The following SASH1 variants were observed in gnomAD, a reference collection of about 807,000 sequenced individuals.
The protein encoded by SASH1 is SAM and SH3 domain-containing protein 1.
A neutral mutation model predicts 125.2 loss-of-function variants in SASH1; 44 were observed. That is an observed-to-expected ratio of 0.35 (90% CI 0.28 to 0.45). SASH1 has a LOEUF of 0.45. SASH1 is among the 20% of genes least tolerant of loss of function. SASH1 has a pLI of 1.00. For synonymous variants in SASH1, 639 were observed against 649.1 expected, an observed-to-expected ratio of 0.98 and a Z score of 0.24; for missense variants, 1,426 against 1,614.5, an observed-to-expected ratio of 0.88 and a Z score of 2.00.
At chr6:148,515,501 C>T (rs35335150) in intron 9 of SASH1, among the ~76,000 whole-genome samples, 3,743 of 151,880 alleles carry the variant, frequency 0.025, 62 homozygotes, top group Non-Finnish European at 0.039. Flanking sequence ...AGAATAATAC[C>T]GAAGCTAAGT....
chr6:148,446,330 G>A (rs1317754869), intron 4 of SASH1, among the ~76,000 whole-genome samples: 4 of 151,898 alleles, frequency 2.6e-5, no homozygotes, highest in Non-Finnish European at 5.9e-5. Flanking sequence ...GGATGGTCTT[G>A]ATCTCCTGAC....
chr6:148,270,137 A>ATAT (rs1225846916), upstream of SASH1, among the ~76,000 whole-genome samples: 1 of 152,246 alleles, frequency 6.6e-6, no homozygotes, highest in African/African-American at 2.4e-5. Flanking sequence ...TGGACAGACT[A>ATAT]AGACCTTCCT....
At chr6:148,538,072 A>T (rs1781976817) in intron 16 of SASH1, among the ~76,000 whole-genome samples, 1 of 151,934 alleles carries the variant, frequency 6.6e-6, no homozygotes, top group Non-Finnish European at 1.5e-5. Flanking sequence ...GAGGCACCTC[A>T]CCTCTTTTTC....
chr6:148,469,590 G>A (rs1292546527), intron 5 of SASH1, among the ~76,000 whole-genome samples: 2 of 152,042 alleles, frequency 1.3e-5, no homozygotes, highest in East Asian at 1.9e-4. Flanking sequence ...AAAATTAGGT[G>A]GGCATAGCAC....
At chr6:148,256,330 ACTAT>A in the SASH1 span, among the ~76,000 whole-genome samples, 23 of 152,344 alleles carry the variant, frequency 1.5e-4, no homozygotes, top group South Asian at 1.7e-3. Context: ...CTATTTTACA[ACTAT>A]CTAAGACAAC....
chr6:148,208,883 C>T, the SASH1 span, among the ~76,000 whole-genome samples: 1 of 152,118 alleles, frequency 6.6e-6, no homozygotes, highest in East Asian at 1.9e-4. Flanking sequence ...TTCTAAATAG[C>T]AGTAATAAGA....
intron 1 of SASH1, among the ~76,000 whole-genome samples, chr6:148,375,553 A>G (rs1382055988): frequency 6.6e-6 from 1 of 152,228 alleles, no homozygotes; most frequent in East Asian, 1.9e-4. Flanking sequence ...TTTTCTTGGC[A>G]AAAGTAAAAG....
chr6:148,315,116 G>T (rs1780447040), intron 1 of SASH1, among the ~76,000 whole-genome samples: 1 of 152,088 alleles, frequency 6.6e-6, no homozygotes. Context: ...GATTAAATTA[G>T]CTACTATTTA....
chr6:148,535,160 C>A (rs185732372), intron 16 of SASH1, among the ~76,000 whole-genome samples: 1 of 152,194 alleles, frequency 6.6e-6, no homozygotes, highest in Non-Finnish European at 1.5e-5. Flanking sequence ...ATGCCAAGGT[C>A]AAACAGCACA....
the SASH1 span, among the ~76,000 whole-genome samples, chr6:148,207,480 A>T: frequency 6.6e-6 from 1 of 152,238 alleles, no homozygotes; most frequent in African/African-American, 2.4e-5. Context: ...CCTCAGTTCT[A>T]TTATGCCACA....
rs991274312 is a variant in SASH1, at chr6:148,533,842, C to T, written c.1806C>T (p.Val602=). Residue 602 remains valine, a synonymous_variant, in exon 15 of 20, where the codon GTC becomes GTT. Coordinates refer to ENST00000367467, the MANE Select transcript of SASH1 (RefSeq NM_015278.5). The surrounding 1 kb of genome is among the most constrained non-coding windows in gnomAD (Gnocchi z 6.2). ...GTWMGLLNNK[V]GTFKFIYVDV... is the part of the protein sequence containing the mutation. ...GGATGGGCCTGCTGAACAACAAAGTCGGCACGTTCAAGTTCATCTACGTGG... is the reference window on the plus strand; with the variant it reads ...GGATGGGCCTGCTGAACAACAAAGTTGGCACGTTCAAGTTCATCTACGTGG... 64 of 1,613,904 alleles carry T rather than the reference C, an allele frequency of 4.0e-5. No individual in the cohort carries two copies. Among genetic ancestry groups the T allele is most frequent in the Admixed American group, 5.0e-5 (3 of 60,000 alleles).
intron 2 of SASH1, among the ~76,000 whole-genome samples, chr6:148,397,228 C>A (rs1783993034): frequency 6.6e-6 from 1 of 152,066 alleles, no homozygotes; most frequent in Admixed American, 6.6e-5. Context: ...TGTCTGTAAT[C>A]CCAGCACTTT....
At chr6:148,213,987 T>G in the SASH1 span, among the ~76,000 whole-genome samples, 49 of 152,298 alleles carry the variant, frequency 3.2e-4, 1 homozygote, top group Admixed American at 5.9e-4. Context: ...AGTATAAAAC[T>G]AGAAATGATG....
intron 1 of SASH1, among the ~76,000 whole-genome samples, chr6:148,301,813 G>T (rs1779954156): frequency 7.7e-6 from 1 of 130,392 alleles, no homozygotes; most frequent in African/African-American, 2.9e-5. Context: ...ATGTTGCCCA[G>T]GCTGAACTTG....
chr6:148,205,288 C>G, the SASH1 span, among the ~76,000 whole-genome samples: 1 of 152,186 alleles, frequency 6.6e-6, no homozygotes, highest in Admixed American at 6.5e-5. Context: ...TCTGTCGTCC[C>G]AGAACTTGTC....
intron 2 of SASH1, among the ~76,000 whole-genome samples, chr6:148,407,727 A>C (rs1784433347): frequency 6.6e-6 from 1 of 151,934 alleles, no homozygotes; most frequent in Non-Finnish European, 1.5e-5. Context: ...CTGCCGCCCG[A>C]GTTGAAGCAA....
the SASH1 span, among the ~76,000 whole-genome samples, chr6:148,264,139 C>T: frequency 2.2e-5 from 3 of 135,118 alleles, no homozygotes; most frequent in East Asian, 2.1e-4. Flanking sequence ...GTTTCAATGA[C>T]GTGATTTGAA....
chr6:148,434,597 T>C (rs898299327), intron 2 of SASH1, among the ~76,000 whole-genome samples: 4 of 152,234 alleles, frequency 2.6e-5, no homozygotes, highest in African/African-American at 9.6e-5. Context: ...TTTAAGAGTT[T>C]GTAATGTTAA....
chr6:148,361,914 C>CT (rs745596285), intron 1 of SASH1, among the ~76,000 whole-genome samples: 24,717 of 125,422 alleles, frequency 0.2, 2,921 homozygotes, highest in African/African-American at 0.28. Flanking sequence ...TTTTCTTTTT[C>CT]TTTTTTTTTT....
Sources: allele counts gnomAD v4.1 joint callset (sites outside exome capture counted in the v4.1 genomes callset), GRCh38; gene constraint gnomAD v4.1.1; non-coding constraint Gnocchi (gnomAD v3.1); transcripts MANE v1.5; gene names NCBI Gene and HGNC (gene_info 2026-07-23, HGNC 2026-07-21).